FSIP2: variants seen among roughly 807,000 people sequenced by gnomAD.
The protein encoded by FSIP2 is fibrous sheath-interacting protein 2.
Under a neutral mutation model 510.5 loss-of-function variants are expected in FSIP2, and 367 were observed. That is an observed-to-expected ratio of 0.72 (90% CI 0.66 to 0.78). The LOEUF is 0.78. Ranked by LOEUF, FSIP2 falls within the 30% of genes least tolerant of loss-of-function variation. FSIP2 has a pLI of 0.00. For missense variants in FSIP2, 7,594 were observed against 7,901.7 expected (o/e 0.96, Z 1.48); for synonymous variants, 2,601 against 2,732.2 (o/e 0.95, Z 1.50).
Position 185,795,107 on chromosome 2 carries a change from G to A in FSIP2, c.7971G>A (p.Lys2657=). Residue 2657 remains lysine, a synonymous_variant, in exon 16 of 23, where the codon AAG becomes AAA. Coordinates refer to ENST00000424728, the MANE Select transcript of FSIP2 (RefSeq NM_173651.4). ...PLKVSPKDNP[K]PCFKAHLKTR... ...AGGTGAGCCCTAAGGACAACCCTAAGCCATGCTTTAAAGCACATTTAAAAA... is the reference window on the plus strand; with the variant it reads ...AGGTGAGCCCTAAGGACAACCCTAAACCATGCTTTAAAGCACATTTAAAAA... The A allele has an allele frequency of 6.5e-7, 1 of 1,534,906 alleles. No homozygotes were observed. Among genetic ancestry groups the A allele is most frequent in the Non-Finnish European group, 8.7e-7 (1 of 1,146,120 alleles).
chr2:185,821,187 T>C (rs1693912645), intron 19 of FSIP2, among the ~76,000 whole-genome samples: 1 of 151,784 alleles, frequency 6.6e-6, no homozygotes, highest in African/African-American at 2.4e-5. Context: ...TGTCAACAAA[T>C]TGGATAATCT....
intron 21 of FSIP2, among the ~76,000 whole-genome samples, chr2:185,828,880 A>C (rs1256129684): frequency 6.6e-6 from 1 of 151,846 alleles, no homozygotes; most frequent in African/African-American, 2.4e-5. Context: ...ATAAGCTATC[A>C]GTTATGGAGT....
At chr2:185,824,860 C>A (rs1394361760) in intron 20 of FSIP2, among the ~76,000 whole-genome samples, 1 of 151,682 alleles carries the variant, frequency 6.6e-6, no homozygotes, top group East Asian at 2.0e-4. Context: ...TAAATTTATT[C>A]CCTCATATTA....
intron 9 of FSIP2, among the ~76,000 whole-genome samples, chr2:185,757,533 T>C (rs897549587): frequency 6.6e-6 from 1 of 151,336 alleles, no homozygotes; most frequent in Non-Finnish European, 1.5e-5. Context: ...AGTAGTGACA[T>C]CACAAGTCAT....
chr2:185,763,132 G>C (rs780906878), intron 11 of FSIP2, 51 bp from the exon 12 acceptor site: 40 of 801,984 alleles, frequency 5.0e-5, no homozygotes, highest in Non-Finnish European at 8.1e-5. Flanking sequence ...ATTAACCCTT[G>C]TCCCAGCAAT....
chr2:185,796,294 C>A lies in FSIP2; in HGVS notation c.9158C>A (p.Ser3053Tyr). 1 of 1,533,280 alleles carries A rather than the reference C, an allele frequency of 6.5e-7. No homozygotes were observed. The highest frequency in any genetic ancestry group is 1.4e-5 in the African/African-American group (1 of 72,956). The allele number at this position is 1,533,280 out of a possible 1,614,324, so 95.0% of individuals were successfully genotyped here. ...LQPLKMFSDKSESNTINFKEN... is the reference protein window; with the variant it reads ...LQPLKMFSDKYESNTINFKEN... ...CCACTGAAAATGTTTTCTGATAAAT[C>A]CGAGTCAAATACTATTAATTTCAAG... The change falls in exon 16 of 23, where the codon TCC (serine) becomes TAC (tyrosine). Residue 3053 changes from serine to tyrosine, a missense_variant. By Grantham distance (144) the Ser-to-Tyr change is moderately radical. Transcript: ENST00000424728.
chr2:185,809,024 C>T lies in FSIP2; in HGVS notation c.19718C>T (p.Ser6573Leu). 6.2e-7 allele frequency: 1 copy of T among 1,612,556 alleles called. No individual in the cohort carries two copies. The highest frequency in any genetic ancestry group is 1.3e-5 in the African/African-American group (1 of 74,902). ...AGCATAGCAGAACTGAGAAGAGCAT[C>T]AATAAGTGGGAGAAATTACTCCTTA... ...GHSIAELRRA[S>L]ISGRNYSLGS... The change falls in exon 17 of 23, where the codon TCA (serine) becomes TTA (leucine). Residue 6573 changes from serine to leucine, a missense_variant. Physicochemically the swap from Ser to Leu is moderately radical, Grantham distance 145 (BLOSUM62 -2). Coordinates refer to ENST00000424728, the MANE Select transcript of FSIP2 (RefSeq NM_173651.4).
intron 1 of FSIP2, 140 bp downstream of exon 1, chr2:185,739,133 G>A: frequency 8.2e-7 from 1 of 1,214,882 alleles, no homozygotes; most frequent in Non-Finnish European, 1.1e-6. Flanking sequence ...GCGCCCGGGG[G>A]CGGTGGCGGT....
upstream of FSIP2, among the ~76,000 whole-genome samples, chr2:185,737,694 G>A (rs182682847): frequency 6.6e-6 from 1 of 151,828 alleles, no homozygotes; most frequent in African/African-American, 2.4e-5. Flanking sequence ...TTTTTTTCCT[G>A]TTTTGGTGAA....
chr2:185,823,138 T>C (rs1363996094), intron 19 of FSIP2, among the ~76,000 whole-genome samples: 1 of 151,860 alleles, frequency 6.6e-6, no homozygotes, highest in Non-Finnish European at 1.5e-5. Flanking sequence ...CTTCTTGACA[T>C]TGGATTTAAA....
intron 1 of FSIP2, 118 bp downstream of exon 1, chr2:185,739,111 T>C (rs1423445265): frequency 1.7e-5 from 22 of 1,330,534 alleles, no homozygotes; most frequent in Non-Finnish European, 2.1e-5. Flanking sequence ...GTCAGGAGGC[T>C]GCCCTCTTGC....
intron 13 of FSIP2, among the ~76,000 whole-genome samples, chr2:185,773,154 G>A (rs976232473): frequency 4.6e-5 from 7 of 152,160 alleles, no homozygotes; most frequent in East Asian, 1.9e-4. Flanking sequence ...GATCCAACAC[G>A]CCAGGCCCAG....
In FSIP2 at chr2:185,792,971, C is replaced by T; in HGVS notation, c.5835C>T (p.Asn1945=). ...KVKSLFYSQV[N]FTVPVALPIQ... is the part of the protein sequence containing the mutation. ...AATCTCTCTTTTATTCTCAAGTCAA[C>T]TTTACAGTTCCAGTGGCTTTACCTA... The change falls in exon 16 of 23, where the codon AAC becomes AAT. Residue 1945 remains asparagine, a synonymous_variant. Transcript: ENST00000424728. 1 of 1,534,356 alleles carries T rather than the reference C, an allele frequency of 6.5e-7. No homozygotes were observed. Among genetic ancestry groups the T allele is most frequent in the East Asian group, 2.4e-5 (1 of 40,826 alleles).
rs539558627 is a variant in FSIP2 at position 185,741,874 on chromosome 2, C to T, written c.226-1259C>T. Among the ~76,000 whole-genome samples the T allele has an allele frequency of 2.6e-5, 4 of 152,260 alleles. No homozygotes were observed. In the East Asian group the frequency reaches 7.7e-4, roughly 29 times the overall value. On this transcript the variant is annotated intron_variant, in intron 2 of 22. Coordinates refer to ENST00000424728, the MANE Select transcript of FSIP2 (RefSeq NM_173651.4). Reference sequence around the variant, plus strand: ...TTCTCCTACCTACCTTTCGAGAGTTCTTATTAGGGTCCAACCCAGCCAGAC... The same window carrying T: ...TTCTCCTACCTACCTTTCGAGAGTTTTTATTAGGGTCCAACCCAGCCAGAC...
intron 20 of FSIP2, among the ~76,000 whole-genome samples, chr2:185,825,886 A>G (rs1037515310): frequency 2.0e-5 from 3 of 151,820 alleles, no homozygotes; most frequent in African/African-American, 7.2e-5. Flanking sequence ...CCAGACATTG[A>G]TAAGTAAAGT....
At position 185,792,706 on chromosome 2, in the gene FSIP2, C is replaced by G. The variant is rs1487304376; in HGVS notation, c.5570C>G (p.Ala1857Gly). 7.8e-6 allele frequency: 12 copies of G among 1,533,728 alleles called. No homozygotes were observed. The highest frequency in any genetic ancestry group is 1.0e-5 in the Non-Finnish European group (12 of 1,145,428). ...VRTVFHKLYS[A>G]AMTERNVREN... ...ACTGTATTTCACAAACTTTATTCAGCTGCCATGACAGAAAGAAATGTAAGG... is the reference window on the plus strand; with the variant it reads ...ACTGTATTTCACAAACTTTATTCAGGTGCCATGACAGAAAGAAATGTAAGG... The change falls in exon 16 of 23, where the codon GCT becomes GGT. Residue 1857 changes from alanine (A) to glycine (G), a missense_variant. Ala to Gly is a moderately conservative substitution (Grantham distance 60). Coordinates refer to ENST00000424728, the MANE Select transcript of FSIP2 (RefSeq NM_173651.4).
At chr2:185,773,241 T>G (rs1354629847) in intron 13 of FSIP2, among the ~76,000 whole-genome samples, 2 of 152,202 alleles carry the variant, frequency 1.3e-5, no homozygotes, top group Non-Finnish European at 2.9e-5. Flanking sequence ...TTATTTCTCC[T>G]GAATTTGTGA....
rs376703679 is a variant in FSIP2, at chr2:185,806,480, C to T, written c.17174C>T (p.Ser5725Leu). 4.0e-5 allele frequency: 65 copies of T among 1,609,824 alleles called. No individual in the cohort carries two copies. Among genetic ancestry groups the T allele is most frequent in the Non-Finnish European group, 5.0e-5 (59 of 1,178,144 alleles). The change falls in exon 17 of 23, where the codon TCG (serine) becomes TTG (leucine). Residue 5725 changes from serine (S) to leucine (L), a missense_variant. Transcript: ENST00000424728. ...LNVIQEISRDSAQSVTTKKVS... is the reference protein window; with the variant it reads ...LNVIQEISRDLAQSVTTKKVS... ...GTAATTCAAGAGATTAGCAGGGATTCGGCACAGTCTGTTACAACAAAAAAA... is the reference window on the plus strand; with the variant it reads ...GTAATTCAAGAGATTAGCAGGGATTTGGCACAGTCTGTTACAACAAAAAAA...
chr2:185,787,570 G>A (rs1265607519), intron 15 of FSIP2, among the ~76,000 whole-genome samples: 1 of 151,734 alleles, frequency 6.6e-6, no homozygotes, highest in Non-Finnish European at 1.5e-5. Context: ...TATGTTTTAA[G>A]AATTTTAACA....
Sources: gnomAD v4.1 joint callset for allele counts (sites outside exome capture counted in the v4.1 genomes callset) on GRCh38, gnomAD v4.1.1 for gene constraint, MANE v1.5 for transcripts, NCBI Gene and HGNC (gene_info 2026-07-23, HGNC 2026-07-21) for gene names.